The following ANXA10 variants were observed in gnomAD, a reference collection of about 807,000 sequenced individuals.
ANXA10 encodes annexin 14.
Under a neutral mutation model 53.5 loss-of-function variants are expected in ANXA10, and 49 were observed. The ratio of observed to expected loss-of-function variants is 0.92; its 90% CI spans 0.73 to 1.16. The LOEUF is 1.16. Ranked by LOEUF, ANXA10 falls within the 50% of genes most tolerant of loss-of-function variation. The pLI, the probability that ANXA10 is intolerant of heterozygous loss-of-function variation, is 0.00. For missense variants in ANXA10, 393 were observed against 394.4 expected, an observed-to-expected ratio of 1.00 and a Z score of 0.03; for synonymous variants, 131 against 128.9, an observed-to-expected ratio of 1.02 and a Z score of -0.11.
intron 1 of ANXA10, among the ~76,000 whole-genome samples, chr4:168,108,907 A>G (rs1730758484): frequency 6.6e-6 from 1 of 151,952 alleles, no homozygotes; most frequent in Non-Finnish European, 1.5e-5. Context: ...GAACACTATC[A>G]CCTCTACCCA....
At chr4:168,180,085 C>T (rs140831883) in intron 9 of ANXA10, among the ~76,000 whole-genome samples, 4 of 152,024 alleles carry the variant, frequency 2.6e-5, no homozygotes, top group East Asian at 3.9e-4. Flanking sequence ...GAGGCATACA[C>T]GGGCGTGAGA....
chr4:168,111,984 T>C (rs1349064302), intron 1 of ANXA10, among the ~76,000 whole-genome samples: 1 of 152,070 alleles, frequency 6.6e-6, no homozygotes, highest in African/African-American at 2.4e-5. Context: ...ATCCTATTAG[T>C]GGTATATTAT....
At chr4:168,118,902 CTA>C (rs1160837530) in intron 1 of ANXA10, among the ~76,000 whole-genome samples, 1 of 152,004 alleles carries the variant, frequency 6.6e-6, no homozygotes, top group African/African-American at 2.4e-5. Context: ...AATTTTGTAA[CTA>C]ATTCTAAAGT....
At chr4:168,125,096 C>T (rs1731047201) in intron 1 of ANXA10, among the ~76,000 whole-genome samples, 1 of 152,100 alleles carries the variant, frequency 6.6e-6, no homozygotes, top group African/African-American at 2.4e-5. Flanking sequence ...GCCATTGAAA[C>T]CACTTTGGAA....
At chr4:168,178,453 TTTTCTTTTA>T (rs1732175855) in intron 8 of ANXA10, 2 of 153,020 alleles carry the variant, frequency 1.3e-5, no homozygotes, top group African/African-American at 4.8e-5. Context: ...TACAGTGTCT[TTTTCTTTTA>T]TTAAAAAAAA....
chr4:168,176,667 C>T (rs1181227771), intron 6 of ANXA10, among the ~76,000 whole-genome samples: 1 of 152,158 alleles, frequency 6.6e-6, no homozygotes, highest in African/African-American at 2.4e-5. Context: ...CTCTTGCTGT[C>T]TCACTGGATT....
At chr4:168,184,526 T>A in intron 10 of ANXA10, 33 bp from the exon 11 acceptor site, 1 of 1,611,698 alleles carries the variant, frequency 6.2e-7, no homozygotes, top group South Asian at 1.1e-5. Flanking sequence ...GGATGCTGTC[T>A]TCTCATTTCT....
At chr4:168,148,016 C>T (rs1243945706) in intron 3 of ANXA10, among the ~76,000 whole-genome samples, 1 of 152,144 alleles carries the variant, frequency 6.6e-6, no homozygotes, top group Non-Finnish European at 1.5e-5. Context: ...TGGTTTTGGC[C>T]TACACAAAGT....
At chr4:168,141,420 AC>A (rs1306582876) in intron 3 of ANXA10, among the ~76,000 whole-genome samples, 1 of 152,162 alleles carries the variant, frequency 6.6e-6, no homozygotes, top group Non-Finnish European at 1.5e-5. Context: ...GGTCCTGTCT[AC>A]CCCTAGTCCC....
intron 6 of ANXA10, among the ~76,000 whole-genome samples, chr4:168,176,374 T>C (rs1262086127): frequency 6.6e-6 from 1 of 152,162 alleles, no homozygotes; most frequent in Non-Finnish European, 1.5e-5. Context: ...TTCATGATGA[T>C]TTAGCCTCAC....
intron 1 of ANXA10, among the ~76,000 whole-genome samples, chr4:168,116,748 G>A (rs901903631): frequency 5.9e-5 from 9 of 152,040 alleles, no homozygotes; most frequent in Admixed American, 4.6e-4. Context: ...AACTGGTGTC[G>A]TTTTTCATAC....
chr4:168,167,662 TA>T (rs1041876585), intron 6 of ANXA10, among the ~76,000 whole-genome samples: 2 of 152,216 alleles, frequency 1.3e-5, no homozygotes, highest in African/African-American at 4.8e-5. Flanking sequence ...TGAGGATCTC[TA>T]AAAACTTAGA....
At chr4:168,154,916 G>T (rs1476099724) in intron 3 of ANXA10, among the ~76,000 whole-genome samples, 1 of 152,092 alleles carries the variant, frequency 6.6e-6, no homozygotes, top group Non-Finnish European at 1.5e-5. Flanking sequence ...TAGTTGTTAT[G>T]ATAATCATCA....
chr4:168,187,359 T>A lies in ANXA10; in HGVS notation c.907-7T>A. ...TTATTTCAAATATATTATATTTTTC[T>A]TTTCAGAATTTTGCTTCAGGGCATT... On this transcript the variant is annotated splice_region_variant and splice_polypyrimidine_tract_variant and intron_variant, in intron 11 of 11. Coordinates refer to ENST00000359299, the MANE Select transcript of ANXA10 (RefSeq NM_007193.5). 1.3e-6 allele frequency: 2 copies of A among 1,568,078 alleles called. No individual in the cohort carries two copies.
chr4:168,142,232 A>G lies in ANXA10; in HGVS notation c.195+2652A>G, dbSNP rs72987464. Among the ~76,000 whole-genome samples the G allele has an allele frequency of 6.6e-3, 1,010 of 152,172 alleles. 10 individuals carry two copies. Among genetic ancestry groups the G allele is most frequent in the African/African-American group, 0.023 (959 of 41,508 alleles). ...CATGTCTAGCCATCTGCCTACACAT[A>G]TTCCTACACATGGAATAAACCTAAT... On this transcript the variant is annotated intron_variant, in intron 3 of 11. Transcript: ENST00000359299.
intron 6 of ANXA10, among the ~76,000 whole-genome samples, chr4:168,176,840 A>G (rs1174193156): frequency 4.0e-5 from 6 of 150,072 alleles, no homozygotes; most frequent in African/African-American, 1.5e-4. Context: ...CTTTTTGAGA[A>G]AAAAAAAAAA....
At chr4:168,169,244 A>T (rs1365187992) in intron 6 of ANXA10, among the ~76,000 whole-genome samples, 4 of 152,144 alleles carry the variant, frequency 2.6e-5, no homozygotes, top group Admixed American at 6.5e-5. Flanking sequence ...TTTAATTAAA[A>T]TTTTTTCTCA....
intron 1 of ANXA10, among the ~76,000 whole-genome samples, chr4:168,115,495 A>ATG (rs1553997023): frequency 2.7e-5 from 3 of 110,554 alleles, no homozygotes; most frequent in Non-Finnish European, 5.1e-5. Flanking sequence ...TACAATACAC[A>ATG]CGCACACACA....
chr4:168,164,452 T>G (rs1055441938), intron 5 of ANXA10, among the ~76,000 whole-genome samples, 164 bp downstream of exon 5: 2 of 152,144 alleles, frequency 1.3e-5, no homozygotes, highest in African/African-American at 4.8e-5. Flanking sequence ...CGATTATTAG[T>G]GCACTAAAAA....
Sources: allele counts gnomAD v4.1 joint callset (sites outside exome capture counted in the v4.1 genomes callset), GRCh38; gene constraint gnomAD v4.1.1; transcripts MANE v1.5; gene names NCBI Gene and HGNC (gene_info 2026-07-23, HGNC 2026-07-21).